NDFIP1: variants seen among roughly 807,000 people sequenced by gnomAD.
NDFIP1 encodes Nedd4 family interacting protein 1, also known as NEDD4 family-interacting protein 1.
A neutral mutation model predicts 28.8 loss-of-function variants in NDFIP1; 7 were observed. That is an observed-to-expected ratio of 0.24 (90% CI 0.14 to 0.46). The LOEUF (loss-of-function observed/expected upper bound fraction) is 0.46, where lower values mean the gene tolerates loss of function less well. NDFIP1 is among the 20% of genes least tolerant of loss of function. The pLI is 0.99. For missense variants in NDFIP1, 194 were observed against 269.1 expected, an observed-to-expected ratio of 0.72 and a Z score of 1.95; for synonymous variants, 92 against 101.0, an observed-to-expected ratio of 0.91 and a Z score of 0.53.
intron 1 of NDFIP1, among the ~76,000 whole-genome samples, chr5:142,112,220 A>G (rs1393107575): frequency 6.6e-6 from 1 of 151,478 alleles, no homozygotes; most frequent in Non-Finnish European, 1.5e-5. Context: ...CCCCATCTCT[A>G]TTAAAAATAC....
intron 1 of NDFIP1, 44 bp downstream of exon 1, chr5:142,109,081 C>T: frequency 7.6e-7 from 1 of 1,310,344 alleles, no homozygotes; most frequent in Non-Finnish European, 9.7e-7. Context: ...GTCCCTGGCT[C>T]TGCCCTGCCC....
In NDFIP1 at chr5:142,140,573, A is replaced by G. The variant is rs747780964; in HGVS notation, c.506A>G (p.Tyr169Cys). 1 of 1,609,952 alleles carries G rather than the reference A, an allele frequency of 6.2e-7. No homozygotes were observed. The highest frequency in any genetic ancestry group is 1.1e-5 in the South Asian group (1 of 90,204). The change falls in exon 6 of 8, where the codon TAT becomes TGT. Residue 169 changes from tyrosine (Y) to cysteine (C), a missense_variant. Transcript: ENST00000253814. The stretch of plus-strand genomic sequence containing the variant: ...TGCCTTATTTTTTAGTTTTCCACCT[A>G]TTTCCCTGGATATTTTGATGGTCAG... Reference protein sequence around the residue: ...KWILIVRFSTYFPGYFDGQYW... With the variant: ...KWILIVRFSTCFPGYFDGQYW...
At chr5:142,131,540 A>G (rs189718660) in intron 1 of NDFIP1, among the ~76,000 whole-genome samples, 32 of 152,308 alleles carry the variant, frequency 2.1e-4, no homozygotes, top group African/African-American at 7.7e-4. Flanking sequence ...GTGATGTACT[A>G]TAATTTATTT....
At chr5:142,142,940 A>AAATATAT (rs60076432) in intron 6 of NDFIP1, 2 of 38,142 alleles carry the variant, frequency 5.2e-5, no homozygotes, top group Non-Finnish European at 4.4e-5. Context: ...AAAAAAAAAA[A>AAATATAT]ATATATATAT....
chr5:142,135,844 C>A (rs1596790906), intron 4 of NDFIP1, 27 bp downstream of exon 4: 1 of 1,530,960 alleles, frequency 6.5e-7, no homozygotes, highest in South Asian at 1.1e-5. Context: ...ATCAGAACCA[C>A]CCCCTACAAA....
chr5:142,127,677 C>T (rs541393059), intron 1 of NDFIP1, among the ~76,000 whole-genome samples: 12 of 152,190 alleles, frequency 7.9e-5, no homozygotes, highest in Admixed American at 1.3e-4. Flanking sequence ...ATATTTCAGC[C>T]GGGTATGGTG....
intron 1 of NDFIP1, among the ~76,000 whole-genome samples, chr5:142,117,714 G>T (rs1019736233): frequency 2.1e-5 from 3 of 141,574 alleles, no homozygotes; most frequent in Non-Finnish European, 4.5e-5. Flanking sequence ...CAAGTTTGGT[G>T]TGTGTTCTAC....
At chr5:142,134,570 A>C (rs1413791450) in intron 3 of NDFIP1, among the ~76,000 whole-genome samples, 1 of 152,292 alleles carries the variant, frequency 6.6e-6, no homozygotes, top group East Asian at 1.9e-4. Context: ...ACTGTTAACA[A>C]TTTGGGTCTT....
At chr5:142,135,843 AC>A (rs1181932932) in intron 4 of NDFIP1, 26 bp downstream of exon 4, 1 of 1,533,436 alleles carries the variant, frequency 6.5e-7, no homozygotes, top group African/African-American at 1.4e-5. Flanking sequence ...TATCAGAACC[AC>A]CCCCTACAAA....
chr5:142,138,478 T>C (rs925388238), intron 5 of NDFIP1, among the ~76,000 whole-genome samples: 1 of 152,260 alleles, frequency 6.6e-6, no homozygotes, highest in African/African-American at 2.4e-5. Context: ...TATCCTCTGA[T>C]TTCAGATAAA....
chr5:142,131,246 A>C (rs1596788858), intron 1 of NDFIP1, among the ~76,000 whole-genome samples: 1 of 152,072 alleles, frequency 6.6e-6, no homozygotes, highest in Admixed American at 6.5e-5. Flanking sequence ...CTAGGATTAC[A>C]GGTGTGAGCC....
chr5:142,130,920 A>G (rs1417366953), intron 1 of NDFIP1, among the ~76,000 whole-genome samples: 10 of 152,104 alleles, frequency 6.6e-5, no homozygotes, highest in Admixed American at 2.0e-4. Context: ...TCATGTAATA[A>G]TAGTACACTG....
At chr5:142,123,223 A>G (rs1276672639) in intron 1 of NDFIP1, among the ~76,000 whole-genome samples, 1 of 152,178 alleles carries the variant, frequency 6.6e-6, no homozygotes, top group Non-Finnish European at 1.5e-5. Context: ...TCGGCCTCCC[A>G]AAGTGCTGGT....
intron 1 of NDFIP1, among the ~76,000 whole-genome samples, chr5:142,111,625 A>G (rs552005573): frequency 6.6e-6 from 1 of 152,346 alleles, no homozygotes; most frequent in East Asian, 1.9e-4. Flanking sequence ...TGGTTAATCA[A>G]ATTGAGCTAG....
rs1000906288 is a variant in NDFIP1 at position 142,147,921 on chromosome 5, T to C, written c.*2+3245T>C. Among the ~76,000 whole-genome samples, 27 of 152,200 alleles carry C rather than the reference T, an allele frequency of 1.8e-4. 1 individual carries two copies. The highest frequency in any genetic ancestry group is 4.4e-5 in the Non-Finnish European group (3 of 68,038). Reference sequence around the variant, plus strand: ...CAAGTAGAAAGCTGGGAATGGCCAATCAGAGAACACAAACTTTAGAAAATG... The same window carrying C: ...CAAGTAGAAAGCTGGGAATGGCCAACCAGAGAACACAAACTTTAGAAAATG... On this transcript the variant is annotated intron_variant, in intron 7 of 7. Coordinates refer to ENST00000253814, the MANE Select transcript of NDFIP1 (RefSeq NM_030571.4).
At chr5:142,142,940 A>AAATATATATATATAT (rs60076432) in intron 6 of NDFIP1, 18 of 38,140 alleles carry the variant, frequency 4.7e-4, no homozygotes, top group Admixed American at 8.0e-4. Flanking sequence ...AAAAAAAAAA[A>AAATATATATATATAT]ATATATATAT....
intron 1 of NDFIP1, among the ~76,000 whole-genome samples, chr5:142,112,698 G>T (rs1757027424): frequency 6.7e-6 from 1 of 148,904 alleles, no homozygotes; most frequent in Non-Finnish European, 1.5e-5. Context: ...GGAGGCTGAG[G>T]CAGGAGAAAC....
rs115457797 is a variant in NDFIP1, at chr5:142,144,144, G to A, written c.563-427G>A. The A allele has an allele frequency of 8.9e-3, 1,386 of 155,102 alleles. 21 individuals are homozygous for A. The highest frequency in any genetic ancestry group is 0.032 in the African/African-American group (1,315 of 41,492). 9.6% of individuals were successfully genotyped at this position (155,102 alleles called of 1,614,324 possible). A position where few individuals can be genotyped will look rare whatever the true frequency, so the allele number is the denominator to read the frequency against. On this transcript the variant is annotated intron_variant, in intron 6 of 7. Coordinates refer to ENST00000253814, the MANE Select transcript of NDFIP1 (RefSeq NM_030571.4). ...AGAAAAAACAGCCCATGACAAGGAAGGTTACATTTTTTCTTTTTACTTGAG... is the reference window on the plus strand; with the variant it reads ...AGAAAAAACAGCCCATGACAAGGAAAGTTACATTTTTTCTTTTTACTTGAG...
chr5:142,110,629 C>T (rs1246461091), intron 1 of NDFIP1, among the ~76,000 whole-genome samples: 1 of 151,976 alleles, frequency 6.6e-6, no homozygotes, highest in Non-Finnish European at 1.5e-5. Flanking sequence ...AAAAAATCTT[C>T]CTAGAAAAAT....
Sources: allele counts gnomAD v4.1 joint callset (sites outside exome capture counted in the v4.1 genomes callset), GRCh38; gene constraint gnomAD v4.1.1; transcripts MANE v1.5; gene names NCBI Gene and HGNC (gene_info 2026-07-23, HGNC 2026-07-21).